C13orf42: variants seen among roughly 807,000 people sequenced by gnomAD.
C13orf42 encodes the protein chromosome 13 open reading frame 42, also known as uncharacterized protein C13orf42.
intron 1 of C13orf42, among the ~76,000 whole-genome samples, chr13:51,140,370 C>T (rs934473856): frequency 9.2e-5 from 14 of 152,198 alleles, no homozygotes; most frequent in Non-Finnish European, 1.8e-4. Flanking sequence ...CTTCCTGAGG[C>T]TGTGACACGA....
At chr13:51,129,936 T>A (rs115869164) in intron 1 of C13orf42, among the ~76,000 whole-genome samples, 2,525 of 152,304 alleles carry the variant, frequency 0.017, 58 homozygotes, top group African/African-American at 0.057. Flanking sequence ...TTGGGAACCA[T>A]GTGGCCTTGC....
chr13:51,129,997 T>C (rs1372629188), intron 1 of C13orf42, among the ~76,000 whole-genome samples: 2 of 152,230 alleles, frequency 1.3e-5, no homozygotes, highest in Non-Finnish European at 2.9e-5. Context: ...TCCTGGCTTA[T>C]GGAATGAGTC....
intron 1 of C13orf42, among the ~76,000 whole-genome samples, chr13:51,158,525 T>C (rs373788325): frequency 2.6e-5 from 4 of 152,360 alleles, no homozygotes; most frequent in East Asian, 1.9e-4. Context: ...TGGCTGCACA[T>C]TGCAGCAAGG....
At chr13:51,138,068 C>T (rs1290769709) in intron 1 of C13orf42, among the ~76,000 whole-genome samples, 1 of 152,186 alleles carries the variant, frequency 6.6e-6, no homozygotes, top group African/African-American at 2.4e-5. Context: ...CCTTTCCATG[C>T]TACTTTCTGT....
At chr13:51,119,668 T>C (rs942112923) in intron 1 of C13orf42, among the ~76,000 whole-genome samples, 1 of 152,158 alleles carries the variant, frequency 6.6e-6, no homozygotes, top group African/African-American at 2.4e-5. Flanking sequence ...AGACAAATAC[T>C]GTATGATTTC....
intron 1 of C13orf42, among the ~76,000 whole-genome samples, chr13:51,150,871 A>G (rs1252701613): frequency 2.0e-5 from 3 of 152,232 alleles, no homozygotes; most frequent in African/African-American, 7.2e-5. Context: ...TCAAAAGGCT[A>G]CCAATGTCTT....
intron 1 of C13orf42, among the ~76,000 whole-genome samples, chr13:51,088,360 T>C (rs1197360692): frequency 6.6e-6 from 1 of 152,190 alleles, no homozygotes; most frequent in Non-Finnish European, 1.5e-5. Flanking sequence ...GGCAAAATAA[T>C]GTCTTCTTTT....
chr13:51,084,089 C>T lies in C13orf42; in HGVS notation c.*62G>A, dbSNP rs763037246. On this transcript the variant is annotated 3_prime_UTR_variant, in exon 4 of 4. Transcript: ENST00000563710. ...CAACTCTACCAAATACCTCATGCTGCGCTGAAAGCGGACAGCTTCTCAGGG... is the reference window on the plus strand; with the variant it reads ...CAACTCTACCAAATACCTCATGCTGTGCTGAAAGCGGACAGCTTCTCAGGG... 1.3e-5 allele frequency: 5 copies of T among 398,256 alleles called. No individual in the cohort carries two copies. The highest frequency in any genetic ancestry group is 4.4e-5 in the Admixed American group (1 of 22,704). 24.7% of individuals were successfully genotyped at this position (398,256 alleles called of 1,614,324 possible). A position where few individuals can be genotyped will look rare whatever the true frequency, so the allele number is the denominator to read the frequency against.
chr13:51,119,620 G>T (rs1953517484), intron 1 of C13orf42, among the ~76,000 whole-genome samples: 1 of 152,184 alleles, frequency 6.6e-6, no homozygotes, highest in Admixed American at 6.5e-5. Flanking sequence ...GATAAGCCTT[G>T]AAGACATGAT....
chr13:51,114,631 G>C (rs1461886904), upstream of C13orf42, among the ~76,000 whole-genome samples: 1 of 99,316 alleles, frequency 1.0e-5, no homozygotes, highest in African/African-American at 3.4e-5. Context: ...TAGATAGATA[G>C]ATAGATAGAT....
At chr13:51,131,655 C>T (rs1174068016) in intron 1 of C13orf42, among the ~76,000 whole-genome samples, 1 of 152,168 alleles carries the variant, frequency 6.6e-6, no homozygotes, top group Admixed American at 6.5e-5. Flanking sequence ...TCTTATGGAA[C>T]AGAGTTCCAT....
At chr13:51,160,348 A>C (rs1953854935) in intron 1 of C13orf42, among the ~76,000 whole-genome samples, 1 of 152,164 alleles carries the variant, frequency 6.6e-6, no homozygotes, top group Non-Finnish European at 1.5e-5. Flanking sequence ...ATTTCTACTA[A>C]AAATACAAAT....
At chr13:51,124,119 ACC>A (rs1953557584) in intron 1 of C13orf42, among the ~76,000 whole-genome samples, 1 of 152,076 alleles carries the variant, frequency 6.6e-6, no homozygotes, top group Non-Finnish European at 1.5e-5. Flanking sequence ...CAACTGAATA[ACC>A]CCACCTGAAC....
chr13:51,107,486 A>G lies in C13orf42; in HGVS notation c.414+3310T>C, dbSNP rs184114502. On this transcript the variant is annotated intron_variant, in intron 1 of 3. Coordinates refer to ENST00000563710, the MANE Select transcript of C13orf42 (RefSeq NM_001351589.3). ...ATGGATTCTAATCAAAATAGTTTAA[A>G]AGCCACTATCTTACCACAAAAGAGG... Among the ~76,000 whole-genome samples, 48 of 152,308 alleles carry G rather than the reference A, an allele frequency of 3.2e-4. No individual in the cohort carries two copies. In the East Asian group the frequency reaches 8.9e-3, roughly 28 times the overall value.
chr13:51,084,672 G>C (rs960568941), intron 3 of C13orf42, among the ~76,000 whole-genome samples: 2 of 152,250 alleles, frequency 1.3e-5, no homozygotes, highest in Non-Finnish European at 2.9e-5. Context: ...GATGAGGCTT[G>C]ACAGGCCCTT....
chr13:51,156,769 G>T (rs931661726), intron 1 of C13orf42, among the ~76,000 whole-genome samples: 1 of 152,188 alleles, frequency 6.6e-6, no homozygotes, highest in Admixed American at 6.5e-5. Context: ...TCTGAATATT[G>T]TTCAGCTCTC....
Position 51,118,401 on chromosome 13 carries a change from C to T in C13orf42, n.137-5179G>A, listed in dbSNP as rs904603822. Among the ~76,000 whole-genome samples the T allele has an allele frequency of 2.6e-5, 4 of 152,206 alleles. No homozygotes were observed. In the East Asian group the frequency reaches 5.8e-4, roughly 22 times the overall value. On this transcript the variant is annotated intron_variant and non_coding_transcript_variant, in intron 1 of 4. Transcript: ENST00000433280. ...GGGGCACGACAGGCCTCCTACCTCA[C>T]GCTTCCTCACATCTTCACCTCCTCA...
chr13:51,096,888 G>T (rs553241107), intron 1 of C13orf42, among the ~76,000 whole-genome samples: 1 of 151,986 alleles, frequency 6.6e-6, no homozygotes, highest in Non-Finnish European at 1.5e-5. Flanking sequence ...TTCAAGAGAG[G>T]GCTTGCTTTC....
At chr13:51,103,352 C>G (rs1953312913) in intron 1 of C13orf42, among the ~76,000 whole-genome samples, 2 of 152,146 alleles carry the variant, frequency 1.3e-5, no homozygotes, top group South Asian at 4.1e-4. Flanking sequence ...AGAGCACAGG[C>G]TTCAACTTTT....
Sources: gnomAD v4.1 joint callset for allele counts (sites outside exome capture counted in the v4.1 genomes callset) on GRCh38, gnomAD v4.1.1 for gene constraint, MANE v1.5 for transcripts, NCBI Gene and HGNC (gene_info 2026-07-23, HGNC 2026-07-21) for gene names.